TRAPPC9: variants seen among roughly 807,000 people sequenced by gnomAD.
TRAPPC9 encodes the protein IKK2 binding protein.
Under a neutral mutation model 124.0 loss-of-function variants are expected in TRAPPC9, and 83 were observed. That is an observed-to-expected ratio of 0.67 (90% CI 0.56 to 0.80). TRAPPC9 has a LOEUF of 0.80. TRAPPC9 is among the 30% of genes least tolerant of loss of function. The pLI, the probability that TRAPPC9 is intolerant of heterozygous loss-of-function variation, is 0.00. For missense variants in TRAPPC9, 1,302 were observed against 1,508.3 expected (o/e 0.86, Z 2.27); for synonymous variants, 638 against 617.5 (o/e 1.03, Z -0.49).
At chr8:139,995,458 T>C (rs2131746711) in intron 18 of TRAPPC9, among the ~76,000 whole-genome samples, 1 of 151,976 alleles carries the variant, frequency 6.6e-6, no homozygotes, top group South Asian at 2.1e-4. Context: ...ACAAACCACC[T>C]CACTGACCCA....
At position 139,833,473 on chromosome 8, in the gene TRAPPC9, G is replaced by A. The variant is rs571529764; in HGVS notation, c.3055+52406C>T. ...ACCCAGCTTCTTCTGCTCTGGCAAT[G>A]GAAGGAGCTGGTCACGAAGAATCCG... On this transcript the variant is annotated intron_variant, in intron 21 of 22. Transcript: ENST00000438773. 2.6e-4 allele frequency among the ~76,000 whole-genome samples: 39 copies of A among 152,352 alleles called. 1 individual carries two copies. In the South Asian group the frequency reaches 7.7e-3, roughly 30 times the overall value.
intron 14 of TRAPPC9, among the ~76,000 whole-genome samples, chr8:140,280,827 G>A (rs1440209103): frequency 2.6e-5 from 4 of 152,178 alleles, no homozygotes; most frequent in Admixed American, 1.3e-4. Flanking sequence ...GCAGTCTCAG[G>A]CAGCCGCTGA....
chr8:140,361,854 AC>A (rs2132184958), intron 8 of TRAPPC9, among the ~76,000 whole-genome samples: 1 of 152,282 alleles, frequency 6.6e-6, no homozygotes, highest in Non-Finnish European at 1.5e-5. Context: ...GCTGAGGCTG[AC>A]TGGCGAGCAA....
chr8:140,458,488 G>T, upstream of TRAPPC9: 3 of 1,575,144 alleles, frequency 1.9e-6, no homozygotes, highest in South Asian at 3.5e-5. Context: ...GGCCCGGGAG[G>T]CACGTGAGGT....
chr8:139,842,362 TGAG>T (rs1446967407), intron 21 of TRAPPC9, among the ~76,000 whole-genome samples: 2 of 152,194 alleles, frequency 1.3e-5, no homozygotes, highest in African/African-American at 4.8e-5. Context: ...CTCTTTGTCC[TGAG>T]GAGAAGGCTT....
chr8:139,940,790 A>G (rs893232422), intron 19 of TRAPPC9, among the ~76,000 whole-genome samples: 2 of 152,230 alleles, frequency 1.3e-5, no homozygotes, highest in African/African-American at 4.8e-5. Flanking sequence ...GGAAATTAGG[A>G]GCCAACCACA....
intron 17 of TRAPPC9, among the ~76,000 whole-genome samples, chr8:140,213,214 A>G (rs951015611): frequency 2.0e-5 from 3 of 152,062 alleles, no homozygotes; most frequent in African/African-American, 7.2e-5. Context: ...TTAACAAAAC[A>G]TTCTGTTTCC....
intron 16 of TRAPPC9, among the ~76,000 whole-genome samples, chr8:140,233,611 CCTCT>C (rs1466982294): frequency 9.5e-5 from 6 of 63,122 alleles, no homozygotes; most frequent in African/African-American, 2.0e-4. Context: ...TCCCTCCCTC[CCTCT>C]CTCCCCACCA....
intron 5 of TRAPPC9, among the ~76,000 whole-genome samples, chr8:140,410,202 C>T (rs1040186408): frequency 4.0e-5 from 6 of 149,592 alleles, no homozygotes; most frequent in African/African-American, 1.5e-4. Context: ...CTGGGTAACC[C>T]TTTTTATATA....
chr8:140,448,879 C>T (rs2071358636), intron 2 of TRAPPC9, among the ~76,000 whole-genome samples: 1 of 152,170 alleles, frequency 6.6e-6, no homozygotes, highest in Admixed American at 6.5e-5. Context: ...TTGGTGGCTG[C>T]CCGGGTCTCT....
chr8:139,878,042 G>A lies in TRAPPC9; in HGVS notation c.3055+7837C>T, dbSNP rs374965191. ...ATAACTTCTGAGAATCCACGCTGAG[G>A]GAATCGCCCCAAAACACAGAAAAGG... On this transcript the variant is annotated intron_variant, in intron 21 of 22. Transcript: ENST00000438773. 7.4e-4 allele frequency among the ~76,000 whole-genome samples: 113 copies of A among 152,284 alleles called. 1 individual carries two copies. The highest frequency in any genetic ancestry group is 2.7e-3 in the African/African-American group (111 of 41,550).
At chr8:140,193,390 T>C (rs553499989) in intron 17 of TRAPPC9, among the ~76,000 whole-genome samples, 2 of 152,284 alleles carry the variant, frequency 1.3e-5, no homozygotes, top group South Asian at 2.1e-4. Context: ...GCCTTCAGAA[T>C]AGGGAGAAGC....
intron 20 of TRAPPC9, among the ~76,000 whole-genome samples, chr8:139,887,932 CAGCCCGT>C (rs1256897615): frequency 6.6e-6 from 1 of 152,244 alleles, no homozygotes; most frequent in Non-Finnish European, 1.5e-5. Flanking sequence ...TTCAGCAGCA[CAGCCCGT>C]AGCCCCTCCA....
chr8:140,400,173 G>A (rs527395973), intron 6 of TRAPPC9, among the ~76,000 whole-genome samples: 137 of 152,282 alleles, frequency 9.0e-4, no homozygotes, highest in Admixed American at 8.9e-3. Context: ...CCAGTCTCCA[G>A]TACGTCTTTA....
At chr8:140,270,380 C>T (rs1011989239) in intron 15 of TRAPPC9, among the ~76,000 whole-genome samples, 4 of 152,202 alleles carry the variant, frequency 2.6e-5, no homozygotes, top group Non-Finnish European at 5.9e-5. Context: ...AGGCATGCTC[C>T]CATCAGCCTC....
intron 4 of TRAPPC9, among the ~76,000 whole-genome samples, chr8:140,431,425 G>A (rs767888829): frequency 5.7e-4 from 87 of 151,520 alleles, no homozygotes; most frequent in Middle Eastern, 3.4e-3. Context: ...CGGCCTCGGC[G>A]ACAGAGTGAG....
chr8:139,856,734 CAAA>C (rs35682231), intron 21 of TRAPPC9, among the ~76,000 whole-genome samples: 1 of 128,590 alleles, frequency 7.8e-6, no homozygotes. Flanking sequence ...CCAGCACCTG[CAAA>C]AAAAAAAAAA....
intron 21 of TRAPPC9, among the ~76,000 whole-genome samples, chr8:139,780,537 T>A (rs1821734092): frequency 6.6e-6 from 1 of 152,092 alleles, no homozygotes; most frequent in African/African-American, 2.4e-5. Flanking sequence ...TCAAAATGGA[T>A]TGCAGAACTA....
intron 9 of TRAPPC9, among the ~76,000 whole-genome samples, chr8:140,340,811 C>A (rs1240109641): frequency 6.6e-6 from 1 of 152,192 alleles, no homozygotes; most frequent in East Asian, 1.9e-4. Flanking sequence ...ACTCAAATAC[C>A]CATGAATGAT....
Sources: allele counts gnomAD v4.1 joint callset (sites outside exome capture counted in the v4.1 genomes callset), GRCh38; gene constraint gnomAD v4.1.1; transcripts MANE v1.5; gene names NCBI Gene and HGNC (gene_info 2026-07-23, HGNC 2026-07-21).